Variants in TRAPPC11 observed in about 807,000 individuals in gnomAD.
TRAPPC11 encodes the protein foie gras homolog.
A neutral mutation model predicts 151.2 loss-of-function variants in TRAPPC11; 104 were observed. The observed-to-expected ratio is 0.69, with a 90% CI of 0.59 to 0.81. The LOEUF (loss-of-function observed/expected upper bound fraction) is 0.81. TRAPPC11 is among the 30% of genes least tolerant of loss of function. The pLI is 0.00. For synonymous variants in TRAPPC11, 456 were observed against 472.3 expected (o/e 0.97, Z 0.45); for missense variants, 1,230 against 1,349.6 (o/e 0.91, Z 1.39).
intron 5 of TRAPPC11, 113 bp downstream of exon 5, chr4:183,668,230 T>C: frequency 1.6e-6 from 1 of 622,284 alleles, no homozygotes; most frequent in Non-Finnish European, 2.8e-6. Context: ...AACATTCATA[T>C]GATACAGAGG....
chr4:183,708,340 TAAC>T (rs1737178907), intron 28 of TRAPPC11, 64 bp from the exon 29 acceptor site: 1 of 1,476,400 alleles, frequency 6.8e-7, no homozygotes, highest in African/African-American at 1.4e-5. Flanking sequence ...TAATTGAGGG[TAAC>T]AACATATAGA....
At chr4:183,701,622 C>T (rs567808086) in intron 25 of TRAPPC11, 75 bp from the exon 26 acceptor site, 1 of 984,988 alleles carries the variant, frequency 1.0e-6, no homozygotes, top group East Asian at 2.4e-5. Flanking sequence ...TTTCTTTGTT[C>T]TGTTACTTGG....
intron 28 of TRAPPC11, 125 bp downstream of exon 28, chr4:183,707,065 A>C (rs916802986): frequency 2.0e-4 from 248 of 1,230,590 alleles, no homozygotes; most frequent in Non-Finnish European, 2.7e-4. Flanking sequence ...TTTTGGTAAT[A>C]GTGAATTTTT....
At chr4:183,685,865 A>C (rs1433126005) in intron 17 of TRAPPC11, among the ~76,000 whole-genome samples, 1 of 151,972 alleles carries the variant, frequency 6.6e-6, no homozygotes, top group Non-Finnish European at 1.5e-5. Flanking sequence ...ACAGGGTCTC[A>C]CTCTGCCACC....
chr4:183,662,266 G>A (rs1347563285), intron 1 of TRAPPC11, among the ~76,000 whole-genome samples: 1 of 148,540 alleles, frequency 6.7e-6, no homozygotes, highest in African/African-American at 2.5e-5. Context: ...TGAGGCAGGG[G>A]AATCACTTGA....
chr4:183,684,054 T>C lies in TRAPPC11; in HGVS notation c.1287T>C (p.Ser429=), dbSNP rs1337544563. ...IQLKERNVVH[S]EIIITLLSNA... ...TGAAGGAGAGAAATGTTGTTCACTC[T>C]GTAAGTTTTGTGTCCAATATAAACT... is the stretch of plus-strand genomic sequence containing the variant. Residue 429 remains serine (S), a splice_region_variant and synonymous_variant, in exon 12 of 30, where the codon TCT becomes TCC. Coordinates refer to ENST00000334690, the MANE Select transcript of TRAPPC11 (RefSeq NM_021942.6). The C allele has an allele frequency of 1.2e-6, 2 of 1,613,408 alleles. No individual in the cohort carries two copies. Among genetic ancestry groups the C allele is most frequent in the Admixed American group, 1.7e-5 (1 of 59,992 alleles).
At chr4:183,679,578 GT>G in intron 9 of TRAPPC11, 92 bp downstream of exon 9, 4 of 1,110,382 alleles carry the variant, frequency 3.6e-6, no homozygotes, top group Non-Finnish European at 5.0e-6. Context: ...ACTGAACCAG[GT>G]TTTTTGTCAC....
At chr4:183,698,773 G>A (rs1736666835) in intron 25 of TRAPPC11, among the ~76,000 whole-genome samples, 1 of 151,998 alleles carries the variant, frequency 6.6e-6, no homozygotes. Flanking sequence ...GCTGCCACAC[G>A]ACCTTAGGCT....
At chr4:183,666,014 T>C (rs1227163799) in intron 2 of TRAPPC11, among the ~76,000 whole-genome samples, 1 of 151,588 alleles carries the variant, frequency 6.6e-6, no homozygotes, top group Non-Finnish European at 1.5e-5. Flanking sequence ...CATTCAGTTA[T>C]GGGGCTGATA....
chr4:183,702,856 G>T (rs1200572301), intron 26 of TRAPPC11, among the ~76,000 whole-genome samples: 1 of 152,132 alleles, frequency 6.6e-6, no homozygotes, highest in Non-Finnish European at 1.5e-5. Context: ...AATGAGAAAG[G>T]AATCAGAAGA....
In TRAPPC11 at chr4:183,699,151, C is replaced by G. The variant is rs568070964; in HGVS notation, c.2851+1316C>G. Reference sequence around the variant, plus strand: ...CCCAGGCTGTCTACTGCCCTTTGCTCTCTCCCAGGTTTCAACCAAGACAAA... The same window carrying G: ...CCCAGGCTGTCTACTGCCCTTTGCTGTCTCCCAGGTTTCAACCAAGACAAA... On this transcript the variant is annotated intron_variant, in intron 25 of 29. Coordinates refer to ENST00000334690, the MANE Select transcript of TRAPPC11 (RefSeq NM_021942.6). Among the ~76,000 whole-genome samples, 25 of 152,314 alleles carry G rather than the reference C, an allele frequency of 1.6e-4. No individual in the cohort carries two copies. The South Asian group carries it at 5.2e-3, about 32-fold the overall frequency.
At chr4:183,664,548 C>T (rs750918086) in intron 2 of TRAPPC11, among the ~76,000 whole-genome samples, 5 of 152,072 alleles carry the variant, frequency 3.3e-5, no homozygotes, top group Non-Finnish European at 7.4e-5. Context: ...CATAAACTAA[C>T]ACAGTTTATT....
In TRAPPC11 at chr4:183,713,136, A is replaced by T. The variant is rs1737409533; in HGVS notation, c.*492A>T. On this transcript the variant is annotated 3_prime_UTR_variant, in exon 30 of 30. Coordinates refer to ENST00000334690, the MANE Select transcript of TRAPPC11 (RefSeq NM_021942.6). Reference sequence around the variant, plus strand: ...CAACATAGGGAGTTGTATGACTGATACGGAAAACTTCCAGAAAGTTTTAAT... The same window carrying T: ...CAACATAGGGAGTTGTATGACTGATTCGGAAAACTTCCAGAAAGTTTTAAT... The T allele has an allele frequency of 6.5e-6, 1 of 153,048 alleles. No homozygotes were observed. Among genetic ancestry groups the T allele is most frequent in the African/African-American group, 2.4e-5 (1 of 41,492 alleles). 9.5% of individuals were successfully genotyped at this position (153,048 alleles called of 1,614,324 possible).
intron 7 of TRAPPC11, among the ~76,000 whole-genome samples, chr4:183,677,187 A>G (rs1008339435): frequency 2.0e-5 from 3 of 152,156 alleles, no homozygotes; most frequent in African/African-American, 7.2e-5. Flanking sequence ...CAGTTGTCCA[A>G]TTTCCTTTTT....
intron 5 of TRAPPC11, among the ~76,000 whole-genome samples, chr4:183,670,428 C>A (rs141486791): frequency 6.6e-6 from 1 of 152,160 alleles, no homozygotes; most frequent in Admixed American, 6.5e-5. Context: ...CCTCTTAGGA[C>A]AATAGGCTGT....
At chr4:183,668,591 T>C (rs577727655) in intron 5 of TRAPPC11, among the ~76,000 whole-genome samples, 3 of 152,182 alleles carry the variant, frequency 2.0e-5, no homozygotes, top group Non-Finnish European at 4.4e-5. Context: ...TTTGTGAGAG[T>C]GTCTCCATTC....
At chr4:183,709,547 G>A (rs758956517) in intron 29 of TRAPPC11, among the ~76,000 whole-genome samples, 19 of 152,080 alleles carry the variant, frequency 1.2e-4, no homozygotes, top group East Asian at 1.9e-4. Flanking sequence ...AGGCCGAGGC[G>A]GGCAGATCAT....
chr4:183,671,069 T>C (rs908605998), intron 5 of TRAPPC11, among the ~76,000 whole-genome samples: 1 of 152,152 alleles, frequency 6.6e-6, no homozygotes, highest in African/African-American at 2.4e-5. Flanking sequence ...TTTTACCACA[T>C]TGGCCAGGCT....
intron 26 of TRAPPC11, among the ~76,000 whole-genome samples, 200 bp downstream of exon 26, chr4:183,702,008 A>G (rs1246732129): frequency 6.6e-6 from 1 of 152,180 alleles, no homozygotes; most frequent in Non-Finnish European, 1.5e-5. Context: ...TGCTATTAAA[A>G]TTTTAGCCAA....
Sources: allele counts gnomAD v4.1 joint callset (sites outside exome capture counted in the v4.1 genomes callset), GRCh38; gene constraint gnomAD v4.1.1; transcripts MANE v1.5; gene names NCBI Gene and HGNC (gene_info 2026-07-23, HGNC 2026-07-21).